The following HDAC9 variants were observed in gnomAD, a reference collection of about 807,000 sequenced individuals.
HDAC9 encodes the protein MEF-2 interacting transcription repressor (MITR) protein.
HDAC9 carries 41 observed loss-of-function variants against 139.4 expected under a neutral mutation model. That is an observed-to-expected ratio of 0.29 (90% CI 0.23 to 0.38). The LOEUF (loss-of-function observed/expected upper bound fraction) is 0.38. Among genes scored for constraint, HDAC9 ranks in the 10% least tolerant of loss-of-function variants. The pLI is 1.00. For missense variants in HDAC9, 1,147 were observed against 1,297.0 expected, an observed-to-expected ratio of 0.88 and a Z score of 1.78; for synonymous variants, 517 against 476.2, an observed-to-expected ratio of 1.09 and a Z score of -1.12.
At chr7:18,288,161 A>T (rs1231928831), upstream of HDAC9, among the ~76,000 whole-genome samples, 7 of 152,228 alleles carry the variant, frequency 4.6e-5, no homozygotes, top group Admixed American at 4.6e-4. Context: ...AATAACCAAC[A>T]CAGTGCAGCT....
At chr7:18,756,875 A>G (rs7797355) in intron 14 of HDAC9, among the ~76,000 whole-genome samples, 2,806 of 146,022 alleles carry the variant, frequency 0.019, 83 homozygotes, top group African/African-American at 0.067. Context: ...TCACTCCCCA[A>G]CCTTTTTTTT....
In HDAC9 at chr7:18,793,377, C is replaced by T; in HGVS notation, c.2247C>T (p.His749=). 1 of 1,583,046 alleles carries T rather than the reference C, an allele frequency of 6.3e-7. No individual in the cohort carries two copies. The highest frequency in any genetic ancestry group is 1.2e-5 in the South Asian group (1 of 86,000). ...GTGACACCATTTGGAATGAGCTACA[C>T]TCGTCCGGTGCTGCACGCATGGCTG... ...VDSDTIWNEL[H]SSGAARMAVG... is the part of the protein sequence containing the mutation. The change falls in exon 17 of 26, where the codon CAC becomes CAT. Residue 749 remains histidine, a synonymous_variant. Coordinates refer to ENST00000686413, the MANE Select transcript of HDAC9 (RefSeq NM_178425.4).
Position 18,957,850 on chromosome 7 carries a change from A to G in HDAC9, c.3022+3620A>G, listed in dbSNP as rs140039266. On this transcript the variant is annotated intron_variant, in intron 24 of 25. Transcript: ENST00000686413. ...GCCCACCTTCTAGCCCAGGTTCTGA[A>G]GGGTTCTTTTGTGCTGCAGTTTGCA... Among the ~76,000 whole-genome samples, 25 of 152,210 alleles carry G rather than the reference A, an allele frequency of 1.6e-4. No individual in the cohort carries two copies. The East Asian group carries it at 4.6e-3, about 28-fold the overall frequency.
intron 22 of HDAC9, among the ~76,000 whole-genome samples, chr7:18,889,450 A>G (rs569859317): frequency 6.6e-6 from 1 of 152,084 alleles, no homozygotes; most frequent in African/African-American, 2.4e-5. Flanking sequence ...TTAAAAAAAA[A>G]TGATCTATTT....
At chr7:18,221,481 A>C (rs1792702192) in intron 2 of HDAC9, among the ~76,000 whole-genome samples, 1 of 152,184 alleles carries the variant, frequency 6.6e-6, no homozygotes, top group South Asian at 2.1e-4. Flanking sequence ...AAACTCCTAC[A>C]TTGTATTATG....
chr7:18,348,728 G>A (rs1782614738), intron 1 of HDAC9, among the ~76,000 whole-genome samples: 1 of 152,032 alleles, frequency 6.6e-6, no homozygotes, highest in Non-Finnish European at 1.5e-5. Context: ...CTTCTCTTTA[G>A]CCCTTTTAAA....
At chr7:18,637,695 A>G (rs1784327350) in intron 8 of HDAC9, among the ~76,000 whole-genome samples, 1 of 152,098 alleles carries the variant, frequency 6.6e-6, no homozygotes, top group Non-Finnish European at 1.5e-5. Flanking sequence ...CCAAAAGGCC[A>G]GGTGGGCAGA....
In HDAC9 at chr7:18,601,913, T is replaced by G. The variant is rs544620109; in HGVS notation, c.664+7884T>G. ...TAAAATCTATATTCAGGAGAGATAA[T>G]TGATCAATGGCTATCTATTCCTATA... On this transcript the variant is annotated intron_variant, in intron 6 of 25. Coordinates refer to ENST00000686413, the MANE Select transcript of HDAC9 (RefSeq NM_178425.4). 4.6e-5 allele frequency among the ~76,000 whole-genome samples: 7 copies of G among 152,296 alleles called. No individual in the cohort carries two copies. In the East Asian group the frequency reaches 1.2e-3, roughly 25 times the overall value.
chr7:18,806,812 C>T (rs1423839387), intron 17 of HDAC9, among the ~76,000 whole-genome samples: 1 of 152,104 alleles, frequency 6.6e-6, no homozygotes, highest in Admixed American at 6.6e-5. Context: ...AACAACCTTG[C>T]AACTTAGGGA....
intron 1 of HDAC9, among the ~76,000 whole-genome samples, chr7:18,341,414 T>C (rs1782000483): frequency 6.6e-6 from 1 of 151,886 alleles, no homozygotes; most frequent in African/African-American, 2.4e-5. Flanking sequence ...TTCTCTCTTC[T>C]TTTTTAAAAA....
At chr7:18,668,888 T>G in intron 12 of HDAC9, 9 of 983,632 alleles carry the variant, frequency 9.1e-6, no homozygotes, top group Non-Finnish European at 9.6e-6. Flanking sequence ...CCGTATTTAA[T>G]CGAAGTTGAA....
At chr7:18,279,087 T>C (rs901246505) in intron 2 of HDAC9, among the ~76,000 whole-genome samples, 3 of 152,212 alleles carry the variant, frequency 2.0e-5, no homozygotes, top group African/African-American at 7.2e-5. Flanking sequence ...TTCAATAAAG[T>C]ACAACTAAAT....
At chr7:18,498,115 TCAACTCC>T (rs1188844751) in intron 2 of HDAC9, among the ~76,000 whole-genome samples, 3 of 152,158 alleles carry the variant, frequency 2.0e-5, no homozygotes, top group African/African-American at 7.2e-5. Context: ...TAGGTTAACA[TCAACTCC>T]CAAAACCTGT....
At position 18,590,465 on chromosome 7, in the gene HDAC9, G is replaced by A. The variant is rs1236057293; in HGVS notation, c.394G>A (p.Gly132Ser). Residue 132 changes from glycine to serine, a missense_variant, in exon 4 of 26, where the codon GGC becomes AGC. Gly to Ser is a moderately conservative substitution (Grantham distance 56). Coordinates refer to ENST00000686413, the MANE Select transcript of HDAC9 (RefSeq NM_178425.4). ...RREQQLPPLR[G>S]KDRGRERAVA... is the part of the protein sequence containing the mutation. Reference sequence around the variant, plus strand: ...AGAACAGCAGCTTCCTCCTCTCAGAGGCAAAGATAGAGGACGAGAAAGTAA... The same window carrying A: ...AGAACAGCAGCTTCCTCCTCTCAGAAGCAAAGATAGAGGACGAGAAAGTAA... 4 of 1,601,206 alleles carry A rather than the reference G, an allele frequency of 2.5e-6. No individual in the cohort carries two copies. Among genetic ancestry groups the A allele is most frequent in the Non-Finnish European group, 3.4e-6 (4 of 1,173,616 alleles).
intron 2 of HDAC9, among the ~76,000 whole-genome samples, chr7:18,554,327 CTTTTTTTTTTTTTT>C (rs34326798): frequency 1.2e-4 from 7 of 58,328 alleles, no homozygotes; most frequent in South Asian, 1.9e-3. Context: ...TTACAGATCA[CTTTTTTTTTTTTTT>C]TTTTTTTTTT....
chr7:18,488,572 G>A (rs754945072), intron 1 of HDAC9, among the ~76,000 whole-genome samples: 5 of 151,926 alleles, frequency 3.3e-5, no homozygotes, highest in African/African-American at 9.7e-5. Context: ...CGCAAATGGT[G>A]TATTCAGTGA....
At chr7:18,723,004 G>C (rs1785253586) in intron 12 of HDAC9, among the ~76,000 whole-genome samples, 1 of 152,018 alleles carries the variant, frequency 6.6e-6, no homozygotes, top group African/African-American at 2.4e-5. Flanking sequence ...AAGTTCAAAG[G>C]AAAAATAATC....
Position 18,999,948 on chromosome 7 carries a change from A to C in HDAC9, c.*3886A>C, listed in dbSNP as rs755762435. On this transcript the variant is annotated 3_prime_UTR_variant, in exon 26 of 26. Coordinates refer to ENST00000686413, the MANE Select transcript of HDAC9 (RefSeq NM_178425.4). ...GACTCTGTCAGTGTTTGACATTGTC[A>C]TTTCTAGTGGCATGTATCTTAACAT... is the stretch of plus-strand genomic sequence containing the variant. The C allele has an allele frequency of 2.0e-5, 3 of 152,198 alleles. No individual in the cohort carries two copies. The highest frequency in any genetic ancestry group is 4.4e-5 in the Non-Finnish European group (3 of 68,034). 9.4% of individuals were successfully genotyped at this position (152,198 alleles called of 1,614,324 possible).
At chr7:18,383,782 G>C (rs1460396599) in intron 1 of HDAC9, among the ~76,000 whole-genome samples, 1 of 151,228 alleles carries the variant, frequency 6.6e-6, no homozygotes, top group South Asian at 2.1e-4. Flanking sequence ...CCAGCTACAC[G>C]GAAGGCTGAG....
Sources: allele counts gnomAD v4.1 joint callset (sites outside exome capture counted in the v4.1 genomes callset), GRCh38; gene constraint gnomAD v4.1.1; transcripts MANE v1.5; gene names NCBI Gene and HGNC (gene_info 2026-07-23, HGNC 2026-07-21).